The following TACR3 variants were observed in gnomAD, a reference collection of about 807,000 sequenced individuals.
TACR3 encodes neuromedin-K receptor.
A neutral mutation model predicts 35.0 loss-of-function variants in TACR3; 34 were observed. The ratio of observed to expected loss-of-function variants is 0.97; its 90% CI spans 0.74 to 1.30. The LOEUF is 1.30. TACR3 is among the 50% of genes most tolerant of loss of function. The pLI, the probability that TACR3 is intolerant of heterozygous loss-of-function variation, is 0.00. For missense variants in TACR3, 558 were observed against 591.7 expected (o/e 0.94, Z 0.59); for synonymous variants, 233 against 221.1 (o/e 1.05, Z -0.48).
At chr4:103,593,081 T>C (rs1375578546) in intron 3 of TACR3, among the ~76,000 whole-genome samples, 2 of 152,220 alleles carry the variant, frequency 1.3e-5, no homozygotes, top group Non-Finnish European at 1.5e-5. Context: ...TATTTCTGCA[T>C]TTTATTTCTC....
intron 1 of TACR3, among the ~76,000 whole-genome samples, chr4:103,711,856 A>G (rs1386050265): frequency 6.6e-6 from 1 of 152,196 alleles, no homozygotes; most frequent in Non-Finnish European, 1.5e-5. Flanking sequence ...AATAACAGAC[A>G]AACAGAGAGC....
In TACR3 at chr4:103,589,913, G is replaced by T; in HGVS notation, c.1167C>A (p.Thr389=). The T allele has an allele frequency of 6.2e-7, 1 of 1,613,926 alleles. No homozygotes were observed. Among genetic ancestry groups the T allele is most frequent in the Non-Finnish European group, 8.5e-7 (1 of 1,179,876 alleles). The change falls in exon 5 of 5, where the codon ACC becomes ACA. Residue 389 remains threonine (T), a synonymous_variant. Transcript: ENST00000304883. ...VSSYDELELK[T]TRFHPNRQSS... is the part of the protein sequence containing the mutation. Reference sequence around the variant, plus strand: ...TTTGCCGGTTTGGATGAAACCTGGTGGTCTTGAGCTCTAGCTCATCATAGC... The same window carrying T: ...TTTGCCGGTTTGGATGAAACCTGGTTGTCTTGAGCTCTAGCTCATCATAGC...
chr4:103,592,129 T>C (rs955380390), intron 3 of TACR3, among the ~76,000 whole-genome samples: 2 of 152,192 alleles, frequency 1.3e-5, no homozygotes, highest in Non-Finnish European at 1.5e-5. Context: ...GTCAGTACTC[T>C]TCTATAGCCT....
chr4:103,712,702 A>G (rs1419657659), intron 1 of TACR3, among the ~76,000 whole-genome samples: 1 of 152,234 alleles, frequency 6.6e-6, no homozygotes, highest in Non-Finnish European at 1.5e-5. Flanking sequence ...ACAGAATGGG[A>G]GAAAATTTTT....
chr4:103,629,038 C>A (rs895293816), intron 3 of TACR3, among the ~76,000 whole-genome samples: 4 of 152,264 alleles, frequency 2.6e-5, no homozygotes, highest in Admixed American at 6.5e-5. Context: ...ATGACAAAAA[C>A]CACATGATTA....
At chr4:103,609,155 C>T (rs1724454803) in intron 3 of TACR3, among the ~76,000 whole-genome samples, 1 of 152,066 alleles carries the variant, frequency 6.6e-6, no homozygotes, top group African/African-American at 2.4e-5. Flanking sequence ...GCACAGGCTT[C>T]ATTATGCTGT....
chr4:103,644,197 G>GCT (rs959164381), intron 3 of TACR3, among the ~76,000 whole-genome samples: 4 of 151,728 alleles, frequency 2.6e-5, no homozygotes, highest in Non-Finnish European at 5.9e-5. Flanking sequence ...GATATAGAAG[G>GCT]CTCTCCTGAT....
intron 1 of TACR3, among the ~76,000 whole-genome samples, chr4:103,705,634 AT>A (rs1483145896): frequency 1.3e-5 from 2 of 152,200 alleles, no homozygotes; most frequent in African/African-American, 4.8e-5. Flanking sequence ...GCTAATTTAT[AT>A]TGGGAGCATC....
chr4:103,636,662 A>C (rs904722369), intron 3 of TACR3, among the ~76,000 whole-genome samples: 1 of 152,072 alleles, frequency 6.6e-6, no homozygotes, highest in South Asian at 2.1e-4. Flanking sequence ...GGTTTTTTGA[A>C]AAGATCAACA....
At chr4:103,704,300 A>T (rs1018517590) in intron 1 of TACR3, among the ~76,000 whole-genome samples, 1 of 152,152 alleles carries the variant, frequency 6.6e-6, no homozygotes, top group Non-Finnish European at 1.5e-5. Context: ...AAAAATAGCA[A>T]TATGGAAAAG....
chr4:103,630,690 G>A (rs1302909128), intron 3 of TACR3, among the ~76,000 whole-genome samples: 1 of 152,186 alleles, frequency 6.6e-6, no homozygotes, highest in Admixed American at 6.5e-5. Flanking sequence ...AACAGATGCT[G>A]GAGGAGATGT....
chr4:103,680,787 T>G (rs1221812005), intron 1 of TACR3, among the ~76,000 whole-genome samples: 2 of 151,776 alleles, frequency 1.3e-5, no homozygotes, highest in East Asian at 3.9e-4. Flanking sequence ...TCTTTTAAAC[T>G]CTCTATAATA....
intron 3 of TACR3, chr4:103,593,347 AG>A (rs1182129618): frequency 5.3e-5 from 8 of 152,182 alleles, no homozygotes; most frequent in African/African-American, 1.9e-4. Flanking sequence ...ATAGTGGTTG[AG>A]GACCAATTCC....
intron 3 of TACR3, among the ~76,000 whole-genome samples, chr4:103,610,521 G>A (rs561786189): frequency 1.3e-5 from 2 of 151,952 alleles, no homozygotes; most frequent in South Asian, 2.1e-4. Flanking sequence ...ATATAGTCTG[G>A]ATATTAACTA....
intron 1 of TACR3, among the ~76,000 whole-genome samples, chr4:103,697,989 T>C (rs1173667226): frequency 6.6e-6 from 1 of 152,200 alleles, no homozygotes; most frequent in African/African-American, 2.4e-5. Flanking sequence ...AGGAAAGATA[T>C]TGCATTCTGT....
At chr4:103,691,172 A>G (rs1722395328) in intron 1 of TACR3, among the ~76,000 whole-genome samples, 1 of 152,218 alleles carries the variant, frequency 6.6e-6, no homozygotes, top group African/African-American at 2.4e-5. Context: ...GAACACTCAT[A>G]GCAGTTCTAT....
chr4:103,648,778 T>C (rs1725515761), intron 3 of TACR3, among the ~76,000 whole-genome samples: 1 of 152,170 alleles, frequency 6.6e-6, no homozygotes, highest in Admixed American at 6.6e-5. Flanking sequence ...GACATGCTGA[T>C]TTCCTTCCTT....
At chr4:103,607,884 C>T (rs753962167) in intron 3 of TACR3, among the ~76,000 whole-genome samples, 1 of 152,076 alleles carries the variant, frequency 6.6e-6, no homozygotes, top group Non-Finnish European at 1.5e-5. Context: ...CAGGGTTTTC[C>T]TCTCCTTTAG....
intron 1 of TACR3, among the ~76,000 whole-genome samples, chr4:103,701,723 C>G (rs544151199): frequency 0.02 from 3,081 of 151,826 alleles, 52 homozygotes; most frequent in Non-Finnish European, 0.029. Context: ...TGGAACAGAA[C>G]AGAGCCCTCA....
Sources: allele counts gnomAD v4.1 joint callset (sites outside exome capture counted in the v4.1 genomes callset), GRCh38; gene constraint gnomAD v4.1.1; transcripts MANE v1.5; gene names NCBI Gene and HGNC (gene_info 2026-07-23, HGNC 2026-07-21).